ZNF827: variants seen among roughly 807,000 people sequenced by gnomAD.
ZNF827 encodes zinc finger protein 827.
Under a neutral mutation model 102.4 loss-of-function variants are expected in ZNF827, and 13 were observed. The ratio of observed to expected loss-of-function variants is 0.13; its 90% CI spans 0.08 to 0.20. The LOEUF (loss-of-function observed/expected upper bound fraction) is 0.20. Ranked by LOEUF, ZNF827 falls within the 10% of genes least tolerant of loss-of-function variation. The probability of loss-of-function intolerance (pLI) is 1.00; values close to 1 mark genes in which losing one functional copy is unlikely to be tolerated. For synonymous variants in ZNF827, 523 were observed against 536.2 expected (o/e 0.98, Z 0.34); for missense variants, 1,103 against 1,344.4 (o/e 0.82, Z 2.81).
chr4:145,937,972 T>C (rs1579617902), intron 1 of ZNF827, among the ~76,000 whole-genome samples: 2 of 126,328 alleles, frequency 1.6e-5, no homozygotes, highest in African/African-American at 3.1e-5. Context: ...TTCCAACCTC[T>C]CCCACCTCCC....
chr4:145,898,411 G>C (rs2126872484), intron 2 of ZNF827, among the ~76,000 whole-genome samples: 1 of 152,260 alleles, frequency 6.6e-6, no homozygotes, highest in Admixed American at 6.5e-5. Flanking sequence ...CCCTCTCTCT[G>C]AAACTCTCCC....
At chr4:145,849,064 A>C (rs1746266573) in intron 6 of ZNF827, among the ~76,000 whole-genome samples, 1 of 152,230 alleles carries the variant, frequency 6.6e-6, no homozygotes, top group South Asian at 2.1e-4. Context: ...GTCAACAGGA[A>C]TCATTTGCGC....
chr4:145,851,466 T>C (rs79604698), intron 5 of ZNF827, among the ~76,000 whole-genome samples: 1,538 of 152,172 alleles, frequency 0.01, 26 homozygotes, highest in African/African-American at 0.034. Flanking sequence ...AAGCATGACA[T>C]GGGTGAACGT....
intron 2 of ZNF827, among the ~76,000 whole-genome samples, chr4:145,894,595 A>G (rs1231115372): frequency 6.6e-6 from 1 of 152,210 alleles, no homozygotes; most frequent in Non-Finnish European, 1.5e-5. Flanking sequence ...TTACTAATAC[A>G]GGTCTATTGG....
intron 5 of ZNF827, among the ~76,000 whole-genome samples, chr4:145,866,821 C>A (rs992584908): frequency 7.2e-5 from 11 of 152,226 alleles, no homozygotes; most frequent in African/African-American, 2.7e-4. Context: ...ATCTTCATCA[C>A]TTTGCATCTA....
At chr4:145,871,705 A>T (rs1748698349) in intron 4 of ZNF827, among the ~76,000 whole-genome samples, 1 of 152,194 alleles carries the variant, frequency 6.6e-6, no homozygotes, top group South Asian at 2.1e-4. Flanking sequence ...GCAAACATCT[A>T]TCACCCCTTG....
intron 1 of ZNF827, among the ~76,000 whole-genome samples, chr4:145,926,852 A>G (rs910320114): frequency 6.6e-6 from 1 of 151,056 alleles, no homozygotes; most frequent in African/African-American, 2.4e-5. Context: ...TCACCTATCA[A>G]CAAGTATGTG....
Position 145,774,639 on chromosome 4 carries a change from A to G in ZNF827, c.2727T>C (p.Asn909=). ...CHVCGFETEL[N]VQFVSHMSLH... Reference sequence around the variant, plus strand: ...GTGACATGTGGCTGACAAACTGGACATTGAGCTCGGTCTCAAATCCACACA... The same window carrying G: ...GTGACATGTGGCTGACAAACTGGACGTTGAGCTCGGTCTCAAATCCACACA... Residue 909 remains asparagine, a synonymous_variant, in exon 11 of 15, where the codon AAT becomes AAC. Transcript: ENST00000508784. 2 of 1,613,938 alleles carry G rather than the reference A, an allele frequency of 1.2e-6. No homozygotes were observed. The highest frequency in any genetic ancestry group is 1.7e-6 in the Non-Finnish European group (2 of 1,179,958).
At chr4:145,897,182 T>C (rs1027850078) in intron 2 of ZNF827, among the ~76,000 whole-genome samples, 5 of 152,216 alleles carry the variant, frequency 3.3e-5, no homozygotes, top group Non-Finnish European at 1.5e-5. Flanking sequence ...ACCTATTGTC[T>C]ATGCATAAAT....
At chr4:145,778,706 TTTTC>T (rs1737498598) in intron 9 of ZNF827, among the ~76,000 whole-genome samples, 1 of 152,244 alleles carries the variant, frequency 6.6e-6, no homozygotes, top group Non-Finnish European at 1.5e-5. Context: ...TATTTTGAAC[TTTTC>T]TTTATCATTT....
At chr4:145,895,531 C>G (rs1311839027) in intron 2 of ZNF827, among the ~76,000 whole-genome samples, 1 of 152,122 alleles carries the variant, frequency 6.6e-6, no homozygotes, top group East Asian at 1.9e-4. Flanking sequence ...GGTCAAATAG[C>G]TACACTACTG....
chr4:145,877,290 T>C (rs1340398529), intron 4 of ZNF827, among the ~76,000 whole-genome samples: 1 of 151,852 alleles, frequency 6.6e-6, no homozygotes, highest in East Asian at 1.9e-4. Context: ...GTTAGCAGTG[T>C]GTATGTATGT....
intron 8 of ZNF827, among the ~76,000 whole-genome samples, chr4:145,805,851 A>C (rs1398498042): frequency 6.6e-6 from 1 of 151,874 alleles, no homozygotes; most frequent in East Asian, 1.9e-4. Context: ...TTTCTTCCCC[A>C]CGAGGCAATA....
At chr4:145,890,420 C>T (rs1042268416) in intron 3 of ZNF827, among the ~76,000 whole-genome samples, 3 of 152,166 alleles carry the variant, frequency 2.0e-5, no homozygotes, top group Non-Finnish European at 4.4e-5. Flanking sequence ...CTGCCATGGC[C>T]GGCCGTCTGT....
chr4:145,794,247 A>C (rs1198104924), intron 8 of ZNF827, among the ~76,000 whole-genome samples: 2 of 152,172 alleles, frequency 1.3e-5, no homozygotes, highest in Non-Finnish European at 2.9e-5. Flanking sequence ...CTCCAGTTGG[A>C]AGTGTGCCAC....
chr4:145,917,850 T>A (rs1280583617), intron 1 of ZNF827, among the ~76,000 whole-genome samples: 1 of 152,038 alleles, frequency 6.6e-6, no homozygotes, highest in Non-Finnish European at 1.5e-5. Flanking sequence ...TGTATTTGAA[T>A]AAAAACACCA....
intron 8 of ZNF827, among the ~76,000 whole-genome samples, chr4:145,783,197 C>T (rs901546485): frequency 6.6e-6 from 1 of 152,162 alleles, no homozygotes; most frequent in African/African-American, 2.4e-5. Flanking sequence ...TTTGTGTATC[C>T]TCAGCATTAG....
At chr4:145,847,030 T>C (rs1332362495) in intron 6 of ZNF827, among the ~76,000 whole-genome samples, 1 of 152,060 alleles carries the variant, frequency 6.6e-6, no homozygotes, top group Non-Finnish European at 1.5e-5. Flanking sequence ...GGCGCGTGCC[T>C]GTAGTCCCAG....
At chr4:145,818,137 C>T (rs1471645389) in intron 8 of ZNF827, among the ~76,000 whole-genome samples, 1 of 152,140 alleles carries the variant, frequency 6.6e-6, no homozygotes, top group East Asian at 1.9e-4. Flanking sequence ...GAAGACGGTG[C>T]ATCAGTAATA....
Sources: allele counts gnomAD v4.1 joint callset (sites outside exome capture counted in the v4.1 genomes callset), GRCh38; gene constraint gnomAD v4.1.1; transcripts MANE v1.5; gene names NCBI Gene and HGNC (gene_info 2026-07-23, HGNC 2026-07-21).